The following TBC1D19 variants were observed in gnomAD, a reference collection of about 807,000 sequenced individuals.
The protein encoded by TBC1D19 is TBC1 domain family, member 19.
Under a neutral mutation model 89.0 loss-of-function variants are expected in TBC1D19, and 60 were observed. That is an observed-to-expected ratio of 0.67 (90% CI 0.55 to 0.84). The LOEUF (loss-of-function observed/expected upper bound fraction) is 0.84, where lower values mean the gene tolerates loss of function less well. TBC1D19 is among the 40% of genes least tolerant of loss of function. TBC1D19 has a pLI of 0.00. For synonymous variants in TBC1D19, 189 were observed against 199.7 expected (o/e 0.95, Z 0.45); for missense variants, 500 against 610.8 (o/e 0.82, Z 1.91).
At chr4:26,606,588 A>G (rs562009602) in intron 1 of TBC1D19, among the ~76,000 whole-genome samples, 2 of 152,342 alleles carry the variant, frequency 1.3e-5, no homozygotes, top group East Asian at 3.9e-4. Context: ...TGAGTAAGGT[A>G]GGGATGTAGA....
At chr4:26,659,778 G>A (rs1577894192) in intron 8 of TBC1D19, 71 bp downstream of exon 8, 3 of 955,534 alleles carry the variant, frequency 3.1e-6, no homozygotes, top group South Asian at 1.9e-5. Context: ...AATACAGCAT[G>A]TATGTAAAGC....
chr4:26,589,590 T>C (rs907196712), intron 1 of TBC1D19, among the ~76,000 whole-genome samples: 15 of 152,144 alleles, frequency 9.9e-5, no homozygotes, highest in African/African-American at 3.4e-4. Flanking sequence ...CATCCCCTTA[T>C]CCCTTTGGCA....
At chr4:26,680,401 C>G (rs1262474929) in intron 11 of TBC1D19, among the ~76,000 whole-genome samples, 1 of 152,088 alleles carries the variant, frequency 6.6e-6, no homozygotes, top group Non-Finnish European at 1.5e-5. Flanking sequence ...CCTCTCTACT[C>G]ACTCCTTCTC....
chr4:26,737,713 T>G (rs963757831), intron 16 of TBC1D19, among the ~76,000 whole-genome samples: 2 of 152,088 alleles, frequency 1.3e-5, no homozygotes, highest in Non-Finnish European at 2.9e-5. Context: ...TTAGAACCAG[T>G]GTACAAAAAT....
At chr4:26,796,762 T>C in the TBC1D19 span, among the ~76,000 whole-genome samples, 4 of 152,136 alleles carry the variant, frequency 2.6e-5, no homozygotes, top group East Asian at 3.9e-4. Flanking sequence ...GATGTAATAA[T>C]ATATTTATGT....
At chr4:26,668,605 C>T (rs1321919036) in intron 9 of TBC1D19, among the ~76,000 whole-genome samples, 1 of 151,848 alleles carries the variant, frequency 6.6e-6, no homozygotes, top group Non-Finnish European at 1.5e-5. Flanking sequence ...TGAAGGAGGC[C>T]AATGACCTCT....
At chr4:26,645,510 T>C (rs1157061408) in intron 7 of TBC1D19, among the ~76,000 whole-genome samples, 4 of 152,014 alleles carry the variant, frequency 2.6e-5, no homozygotes, top group African/African-American at 9.7e-5. Flanking sequence ...TAATTCAAGA[T>C]TGATTAAAGA....
At chr4:26,816,442 G>C in the TBC1D19 span, among the ~76,000 whole-genome samples, 1 of 152,076 alleles carries the variant, frequency 6.6e-6, no homozygotes, top group Non-Finnish European at 1.5e-5. Context: ...AGAGTTTAAT[G>C]AAAAACAGGA....
At chr4:26,830,904 T>C in the TBC1D19 span, among the ~76,000 whole-genome samples, 1 of 152,280 alleles carries the variant, frequency 6.6e-6, no homozygotes, top group Admixed American at 6.5e-5. Context: ...TACACACAGT[T>C]TGAGTGAAGT....
chr4:26,823,933 C>T, the TBC1D19 span, among the ~76,000 whole-genome samples: 1 of 152,214 alleles, frequency 6.6e-6, no homozygotes, highest in Non-Finnish European at 1.5e-5. Flanking sequence ...TCTTAGTGAG[C>T]CACCCGGGCT....
chr4:26,588,703 A>G (rs1032944015), intron 1 of TBC1D19, among the ~76,000 whole-genome samples: 8 of 152,162 alleles, frequency 5.3e-5, no homozygotes, highest in African/African-American at 1.4e-4. Flanking sequence ...GTTTACCACT[A>G]TCTTTCTCTG....
chr4:26,765,582 C>T, the TBC1D19 span, among the ~76,000 whole-genome samples: 8 of 152,096 alleles, frequency 5.3e-5, no homozygotes, highest in Non-Finnish European at 1.0e-4. Context: ...GTGGAATAAA[C>T]GGGGATGTGT....
At chr4:26,651,553 C>G (rs908483475) in intron 7 of TBC1D19, among the ~76,000 whole-genome samples, 3 of 152,142 alleles carry the variant, frequency 2.0e-5, no homozygotes, top group African/African-American at 7.2e-5. Context: ...GATTTTTGCA[C>G]ATTGATTTTG....
intron 18 of TBC1D19, among the ~76,000 whole-genome samples, chr4:26,746,663 C>A (rs553605187): frequency 6.6e-6 from 1 of 152,164 alleles, no homozygotes; most frequent in Non-Finnish European, 1.5e-5. Context: ...GTGCCTGAAA[C>A]TGTGGATAGT....
chr4:26,627,012 T>G (rs1038821178), intron 4 of TBC1D19, among the ~76,000 whole-genome samples: 3 of 151,856 alleles, frequency 2.0e-5, no homozygotes, highest in African/African-American at 7.2e-5. Context: ...TAGCATTAGG[T>G]ATATCTCCTA....
At chr4:26,852,138 G>A in the TBC1D19 span, among the ~76,000 whole-genome samples, 1 of 152,202 alleles carries the variant, frequency 6.6e-6, no homozygotes, top group Non-Finnish European at 1.5e-5. Context: ...GCCATCACTT[G>A]CTCTTCTCAC....
chr4:26,583,860 G>T (rs1739236319), upstream of TBC1D19: 1 of 304,926 alleles, frequency 3.3e-6, no homozygotes, highest in African/African-American at 2.2e-5. Flanking sequence ...ACAATTCTCC[G>T]TGTCCCCCTT....
chr4:26,606,775 A>C (rs1357924448), intron 1 of TBC1D19, among the ~76,000 whole-genome samples: 2 of 152,198 alleles, frequency 1.3e-5, no homozygotes, highest in East Asian at 3.8e-4. Context: ...GCATGATAGC[A>C]TAGTGAAAAG....
At chr4:26,779,715 T>C in the TBC1D19 span, among the ~76,000 whole-genome samples, 1 of 152,248 alleles carries the variant, frequency 6.6e-6, no homozygotes, top group East Asian at 1.9e-4. Context: ...AGATATGGCA[T>C]GATGGAACTT....
Sources: allele counts gnomAD v4.1 joint callset (sites outside exome capture counted in the v4.1 genomes callset), GRCh38; gene constraint gnomAD v4.1.1; transcripts MANE v1.5; gene names NCBI Gene and HGNC (gene_info 2026-07-23, HGNC 2026-07-21).